The following TBC1D22A variants were observed in gnomAD, a reference collection of about 807,000 sequenced individuals.
TBC1D22A encodes the protein putative GTPase activator.
A neutral mutation model predicts 60.2 loss-of-function variants in TBC1D22A; 38 were observed. That is an observed-to-expected ratio of 0.63 (90% CI 0.49 to 0.83). The LOEUF (loss-of-function observed/expected upper bound fraction) is 0.83, where lower values mean the gene tolerates loss of function less well. TBC1D22A is among the 40% of genes least tolerant of loss of function. The pLI, the probability that TBC1D22A is intolerant of heterozygous loss-of-function variation, is 0.00. For synonymous variants in TBC1D22A, 302 were observed against 281.7 expected, an observed-to-expected ratio of 1.07 and a Z score of -0.72; for missense variants, 628 against 701.0, an observed-to-expected ratio of 0.90 and a Z score of 1.18.
chr22:47,094,789 C>T (rs2337230), intron 11 of TBC1D22A, among the ~76,000 whole-genome samples: 70,736 of 151,904 alleles, frequency 0.47, 17,106 homozygotes, highest in East Asian at 0.59. Flanking sequence ...GACCAAGGGA[C>T]AGACCCTGTA....
chr22:47,132,939 G>C (rs748655516), intron 12 of TBC1D22A, among the ~76,000 whole-genome samples: 6 of 152,256 alleles, frequency 3.9e-5, no homozygotes, highest in Non-Finnish European at 8.8e-5. Flanking sequence ...AGTTCATTTG[G>C]AGATTTCAGC....
chr22:47,017,794 G>A (rs1338558990), intron 10 of TBC1D22A, among the ~76,000 whole-genome samples: 1 of 152,214 alleles, frequency 6.6e-6, no homozygotes, highest in African/African-American at 2.4e-5. Flanking sequence ...ATGTAATGGT[G>A]ATGAATAAAA....
chr22:46,909,350 C>T (rs577900909), intron 7 of TBC1D22A, among the ~76,000 whole-genome samples: 56 of 152,268 alleles, frequency 3.7e-4, no homozygotes, highest in African/African-American at 1.3e-3. Context: ...CACTGCAGTG[C>T]GACTGCCCCC....
intron 1 of TBC1D22A, among the ~76,000 whole-genome samples, chr22:46,771,067 AAAAT>A (rs1213602991): frequency 1.3e-5 from 2 of 152,236 alleles, no homozygotes; most frequent in Non-Finnish European, 2.9e-5. Context: ...AACACTTTGA[AAAAT>A]AAATTGAATG....
At chr22:47,004,399 A>G (rs1032667552) in intron 10 of TBC1D22A, among the ~76,000 whole-genome samples, 1 of 146,834 alleles carries the variant, frequency 6.8e-6, no homozygotes, top group Admixed American at 6.7e-5. Flanking sequence ...CACAACCCTT[A>G]TACATACACA....
At position 47,111,898 on chromosome 22, in the gene TBC1D22A, C is replaced by T. The variant is rs372668669; in HGVS notation, c.1425+295C>T. Among the ~76,000 whole-genome samples the T allele has an allele frequency of 7.2e-5, 11 of 152,240 alleles. No individual in the cohort carries two copies. In the East Asian group the frequency reaches 2.1e-3, roughly 29 times the overall value. On this transcript the variant is annotated intron_variant, in intron 12 of 12. Transcript: ENST00000337137. ...AGCGTGCCCCTCAGCAGCACGACCC[C>T]TGCAGTGTGCGGCTTGTGACCTCTG...
intron 8 of TBC1D22A, among the ~76,000 whole-genome samples, chr22:46,957,494 C>T (rs918351863): frequency 1.3e-5 from 2 of 152,208 alleles, no homozygotes; most frequent in African/African-American, 4.8e-5. Context: ...CAGCACATCT[C>T]GTGAGAACTC....
intron 8 of TBC1D22A, among the ~76,000 whole-genome samples, chr22:46,962,221 A>G (rs2073546514): frequency 6.6e-6 from 1 of 152,232 alleles, no homozygotes; most frequent in Non-Finnish European, 1.5e-5. Flanking sequence ...AACCACATGA[A>G]TCAAAGACGG....
At chr22:47,168,520 G>A (rs991117217) in intron 12 of TBC1D22A, among the ~76,000 whole-genome samples, 4 of 152,218 alleles carry the variant, frequency 2.6e-5, no homozygotes, top group Non-Finnish European at 5.9e-5. Context: ...TGCAGTGCTC[G>A]TGGGGTCAGG....
At chr22:46,836,324 C>T (rs1290609606) in intron 4 of TBC1D22A, among the ~76,000 whole-genome samples, 1 of 152,006 alleles carries the variant, frequency 6.6e-6, no homozygotes. Context: ...GCAAAATGTG[C>T]ATGTGTGTAT....
At chr22:46,778,426 G>A (rs2083793850) in intron 1 of TBC1D22A, among the ~76,000 whole-genome samples, 2 of 152,148 alleles carry the variant, frequency 1.3e-5, no homozygotes, top group African/African-American at 4.8e-5. Context: ...TCCTGACTCG[G>A]TAAGCTTTTT....
rs71315174 is a variant in TBC1D22A, at chr22:46,941,208, TACACAC to T, written c.1015+29044_1015+29049del. Among the ~76,000 whole-genome samples the T allele has an allele frequency of 2.6e-4, 22 of 84,886 alleles. 1 individual carries two copies. The highest frequency in any genetic ancestry group is 7.8e-4 in the African/African-American group (16 of 20,412). 55.7% of individuals were successfully genotyped at this position (84,886 alleles called of 152,430 possible). A position where few individuals can be genotyped will look rare whatever the true frequency, so the allele number is the denominator to read the frequency against. On this transcript the variant is annotated intron_variant, in intron 8 of 12. Coordinates refer to ENST00000337137, the MANE Select transcript of TBC1D22A (RefSeq NM_014346.5). ...GAATATATATATATGTATATATGTA[TACACAC>T]ACACACACACACACACACACACAGT...
intron 8 of TBC1D22A, among the ~76,000 whole-genome samples, chr22:46,934,678 G>A (rs767161598): frequency 1.1e-4 from 16 of 152,228 alleles, no homozygotes; most frequent in Non-Finnish European, 2.4e-4. Flanking sequence ...CTAGCCCGGG[G>A]ACACGTCACC....
intron 10 of TBC1D22A, among the ~76,000 whole-genome samples, chr22:47,035,680 C>G (rs1234093168): frequency 6.6e-6 from 1 of 152,138 alleles, no homozygotes; most frequent in Non-Finnish European, 1.5e-5. Flanking sequence ...AAGGGACCAG[C>G]TCCCGCCACA....
At chr22:46,869,448 C>T (rs1158344486) in intron 4 of TBC1D22A, among the ~76,000 whole-genome samples, 11 of 151,986 alleles carry the variant, frequency 7.2e-5, no homozygotes, top group Admixed American at 6.5e-4. Context: ...GGGCCTGGTC[C>T]GTGGTGAGTG....
At chr22:47,173,036 G>T (rs1046382273) in intron 12 of TBC1D22A, among the ~76,000 whole-genome samples, 4 of 152,266 alleles carry the variant, frequency 2.6e-5, no homozygotes, top group Non-Finnish European at 5.9e-5. Flanking sequence ...GGCTGATACA[G>T]GCTTTGTGGG....
intron 12 of TBC1D22A, among the ~76,000 whole-genome samples, chr22:47,131,090 C>G (rs1237815449): frequency 6.6e-6 from 1 of 152,188 alleles, no homozygotes; most frequent in Non-Finnish European, 1.5e-5. Context: ...CCTGAACTAA[C>G]AGAGCAAGAG....
intron 8 of TBC1D22A, among the ~76,000 whole-genome samples, chr22:46,927,267 A>T (rs1405484460): frequency 6.6e-6 from 1 of 152,214 alleles, no homozygotes. Flanking sequence ...TACAAGTGGA[A>T]TTTATTTGAG....
chr22:47,037,135 G>A lies in TBC1D22A; in HGVS notation c.1266G>A (p.Met422Ile). ...ACCTGCAGTTTGCCTTCCGCTGGATGAACAACCTGCTGATGAGGGAGGTGC... is the reference window on the plus strand; with the variant it reads ...ACCTGCAGTTTGCCTTCCGCTGGATAAACAACCTGCTGATGAGGGAGGTGC... Reference protein sequence around the residue: ...VRYLQFAFRWMNNLLMREVPL... With the variant: ...VRYLQFAFRWINNLLMREVPL... The change falls in exon 11 of 13, where the codon ATG (methionine) becomes ATA (isoleucine). Residue 422 changes from methionine (M) to isoleucine (I), a missense_variant. Physicochemically the swap from Met to Ile is conservative, Grantham distance 10. Coordinates refer to ENST00000337137, the MANE Select transcript of TBC1D22A (RefSeq NM_014346.5). The A allele has an allele frequency of 6.2e-7, 1 of 1,614,024 alleles. No homozygotes were observed. Among genetic ancestry groups the A allele is most frequent in the Non-Finnish European group, 8.5e-7 (1 of 1,179,942 alleles).
Sources: gnomAD v4.1 joint callset for allele counts (sites outside exome capture counted in the v4.1 genomes callset) on GRCh38, gnomAD v4.1.1 for gene constraint, MANE v1.5 for transcripts, NCBI Gene and HGNC (gene_info 2026-07-23, HGNC 2026-07-21) for gene names.